NLGN4X: variants seen among roughly 807,000 people sequenced by gnomAD.
NLGN4X encodes neuroligin-4, X-linked.
NLGN4X carries 3 observed loss-of-function variants against 40.3 expected under a neutral mutation model. That is an observed-to-expected ratio of 0.07 (90% CI 0.03 to 0.19). The LOEUF is 0.19. NLGN4X is among the 10% of genes least tolerant of loss of function. The pLI is 1.00. For synonymous variants in NLGN4X, 270 were observed against 306.8 expected, an observed-to-expected ratio of 0.88 and a Z score of 1.25; for missense variants, 382 against 708.3, an observed-to-expected ratio of 0.54 and a Z score of 5.23.
intron 2 of NLGN4X, among the ~76,000 whole-genome samples, chrX:6,041,708 G>A (rs2037162615): frequency 8.9e-6 from 1 of 112,555 alleles, no homozygotes; most frequent in Non-Finnish European, 1.9e-5. Flanking sequence ...TGTTACCTGT[G>A]ATTTTTCAAC....
At chrX:6,005,283 A>G (rs1038868307) in intron 3 of NLGN4X, among the ~76,000 whole-genome samples, 1 of 112,063 alleles carries the variant, frequency 8.9e-6, no homozygotes, top group Non-Finnish European at 1.9e-5. Context: ...GCATTCCTCC[A>G]AAAAATGGAC....
chrX:6,153,543 G>A (rs2040205869), intron 1 of NLGN4X, among the ~76,000 whole-genome samples: 1 of 112,019 alleles, frequency 8.9e-6, no homozygotes, highest in African/African-American at 3.2e-5. Context: ...TTAACCAGAG[G>A]TAGCTGTTAC....
At chrX:5,925,902 A>G (rs2033285753) in intron 3 of NLGN4X, among the ~76,000 whole-genome samples, 1 of 38,851 alleles carries the variant, frequency 2.6e-5, no homozygotes, top group Non-Finnish European at 4.2e-5. Context: ...ATATATATAT[A>G]TATATATATA....
At chrX:6,167,755 A>C (rs1291534627) in intron 1 of NLGN4X, among the ~76,000 whole-genome samples, 1 of 111,881 alleles carries the variant, frequency 8.9e-6, no homozygotes, top group East Asian at 2.8e-4. Flanking sequence ...ATAGGATGAA[A>C]GGATCAACGT....
rs115108399 is a variant in NLGN4X, at chrX:6,009,253, C to G, written c.625+20027G>C. ...CTTTCAATTCTTTTGAGTATATACC[C>G]AGAGGTAGAATTGGAGTATATACCC... On this transcript the variant is annotated intron_variant, in intron 3 of 5. Coordinates refer to ENST00000381095, the MANE Select transcript of NLGN4X (RefSeq NM_181332.3). Among the ~76,000 whole-genome samples the G allele has an allele frequency of 4.0e-3, 448 of 111,759 alleles. 5 individuals are homozygous for G. Among genetic ancestry groups the G allele is most frequent in the African/African-American group, 0.014 (425 of 30,794 alleles).
intron 3 of NLGN4X, among the ~76,000 whole-genome samples, chrX:5,979,817 TATATACACAC>T (rs913450470): frequency 9.7e-6 from 1 of 103,559 alleles, no homozygotes; most frequent in African/African-American, 3.7e-5. Flanking sequence ...TATATGTGTA[TATATACACAC>T]ATATACACAC....
intron 4 of NLGN4X, among the ~76,000 whole-genome samples, chrX:5,906,980 T>C (rs758797254): frequency 1.0e-4 from 11 of 110,178 alleles, no homozygotes; most frequent in African/African-American, 3.3e-4. Context: ...CTCGGGAGGC[T>C]GAGGCAGGAG....
At chrX:6,112,803 T>C (rs2039183528) in intron 2 of NLGN4X, among the ~76,000 whole-genome samples, 3 of 109,939 alleles carry the variant, frequency 2.7e-5, no homozygotes, top group Non-Finnish European at 5.7e-5. Context: ...CAGGGTACAG[T>C]ATAGAAAGTG....
chrX:5,965,234 T>C (rs749752046), intron 3 of NLGN4X, among the ~76,000 whole-genome samples: 1 of 112,014 alleles, frequency 8.9e-6, no homozygotes, highest in African/African-American at 3.2e-5. Context: ...GGCAAGCACA[T>C]GCAAGCATCA....
chrX:6,065,159 G>A (rs958307524), intron 2 of NLGN4X, among the ~76,000 whole-genome samples: 1 of 110,468 alleles, frequency 9.1e-6, no homozygotes, highest in Admixed American at 9.7e-5. Flanking sequence ...CTACCTATCA[G>A]GTACTATGCT....
intron 3 of NLGN4X, among the ~76,000 whole-genome samples, chrX:5,962,122 G>A (rs2034680753): frequency 1.8e-5 from 2 of 112,117 alleles, no homozygotes; most frequent in South Asian, 7.4e-4. Context: ...CAGTCAAATG[G>A]GAAGAGACAG....
At chrX:6,085,543 C>A (rs1029015136) in intron 2 of NLGN4X, among the ~76,000 whole-genome samples, 3 of 112,020 alleles carry the variant, frequency 2.7e-5, no homozygotes, top group African/African-American at 9.7e-5. Flanking sequence ...AATTCTTCAA[C>A]ATCCGCATTA....
intron 3 of NLGN4X, among the ~76,000 whole-genome samples, chrX:5,948,003 G>A (rs1340741397): frequency 9.0e-6 from 1 of 111,609 alleles, no homozygotes; most frequent in Non-Finnish European, 1.9e-5. Context: ...TAGGCAGATA[G>A]AGACTGAAAA....
At chrX:6,066,566 A>G in intron 2 of NLGN4X, among the ~76,000 whole-genome samples, 1 of 110,815 alleles carries the variant, frequency 9.0e-6, no homozygotes, top group Non-Finnish European at 1.9e-5. Context: ...CAGGCGGATC[A>G]TGAGGTCAGG....
intron 2 of NLGN4X, among the ~76,000 whole-genome samples, chrX:6,095,512 T>C (rs1361183249): frequency 8.9e-6 from 1 of 112,568 alleles, no homozygotes; most frequent in African/African-American, 3.2e-5. Flanking sequence ...TCTAAAAAGA[T>C]ACAGTTTTAC....
chrX:6,170,409 A>C (rs940893763), intron 1 of NLGN4X, among the ~76,000 whole-genome samples: 1 of 112,602 alleles, frequency 8.9e-6, no homozygotes, highest in Non-Finnish European at 1.9e-5. Flanking sequence ...GGAGGACCAC[A>C]GCACAGGCAT....
intron 2 of NLGN4X, among the ~76,000 whole-genome samples, chrX:6,083,179 T>C (rs5915640): frequency 0.42 from 40,564 of 96,931 alleles, 8,103 homozygotes; most frequent in Admixed American, 0.45. Flanking sequence ...AGGATGGTCT[T>C]GATCTCCTGA....
At chrX:6,145,729 G>A (rs1164967449) in intron 2 of NLGN4X, among the ~76,000 whole-genome samples, 1 of 111,203 alleles carries the variant, frequency 9.0e-6, no homozygotes, top group Non-Finnish European at 1.9e-5. Flanking sequence ...AAAGCTGGTT[G>A]ACTTTCCAGC....
intron 2 of NLGN4X, among the ~76,000 whole-genome samples, chrX:6,032,148 A>C (rs186231780): frequency 5.4e-4 from 54 of 99,293 alleles, no homozygotes; most frequent in African/African-American, 1.8e-3. Context: ...TTTTTGGTGT[A>C]CTTCACTGTG....
Sources: gnomAD v4.1 joint callset for allele counts (sites outside exome capture counted in the v4.1 genomes callset) on GRCh38, gnomAD v4.1.1 for gene constraint, MANE v1.5 for transcripts, NCBI Gene and HGNC (gene_info 2026-07-23, HGNC 2026-07-21) for gene names.